The following GPC6 variants were observed in gnomAD, a reference collection of about 807,000 sequenced individuals.
GPC6 encodes the protein glypican-6.
Under a neutral mutation model 55.2 loss-of-function variants are expected in GPC6, and 14 were observed. The ratio of observed to expected loss-of-function variants is 0.25; its 90% CI spans 0.17 to 0.40. The LOEUF is 0.40. Ranked by LOEUF, GPC6 falls within the 10% of genes least tolerant of loss-of-function variation. The probability of loss-of-function intolerance (pLI) is 1.00; values close to 1 mark genes in which losing one functional copy is unlikely to be tolerated. For missense variants in GPC6, 641 were observed against 708.5 expected (o/e 0.90, Z 1.08); for synonymous variants, 278 against 259.6 (o/e 1.07, Z -0.68).
intron 2 of GPC6, among the ~76,000 whole-genome samples, chr13:93,758,547 A>G (rs1884854288): frequency 6.6e-6 from 1 of 152,132 alleles, no homozygotes; most frequent in East Asian, 1.9e-4. Flanking sequence ...TAATCTCTGT[A>G]GATAATTTAT....
intron 2 of GPC6, among the ~76,000 whole-genome samples, chr13:93,737,000 T>C (rs572260855): frequency 5.9e-4 from 90 of 152,324 alleles, no homozygotes; most frequent in Middle Eastern, 3.4e-3. Flanking sequence ...ATGAACGAGA[T>C]TGACCTTCTC....
At chr13:93,782,165 T>G (rs1297941060) in intron 2 of GPC6, among the ~76,000 whole-genome samples, 2 of 152,168 alleles carry the variant, frequency 1.3e-5, no homozygotes, top group East Asian at 3.9e-4. Flanking sequence ...TCCATGTATG[T>G]GTGAGATCAC....
chr13:93,620,759 G>C lies in GPC6; in HGVS notation c.319+75338G>C, dbSNP rs1199285139. Among the ~76,000 whole-genome samples, 3 of 152,144 alleles carry C rather than the reference G, an allele frequency of 2.0e-5. No individual in the cohort carries two copies. In the East Asian group the frequency reaches 5.8e-4, roughly 29 times the overall value. On this transcript the variant is annotated intron_variant, in intron 2 of 8. Coordinates refer to ENST00000377047, the MANE Select transcript of GPC6 (RefSeq NM_005708.5). Reference sequence around the variant, plus strand: ...AGCAGAATTCCCTTTGATGAACACAGGTTTAGTCAGAATGCTCTGTGTGGG... The same window carrying C: ...AGCAGAATTCCCTTTGATGAACACACGTTTAGTCAGAATGCTCTGTGTGGG...
At chr13:93,421,839 CT>C (rs1275764437) in intron 1 of GPC6, among the ~76,000 whole-genome samples, 3 of 152,202 alleles carry the variant, frequency 2.0e-5, no homozygotes, top group Admixed American at 1.3e-4. Flanking sequence ...TGTTCCAGAA[CT>C]GTTATTAAAG....
At position 93,874,943 on chromosome 13, in the gene GPC6, T is replaced by C. The variant is rs543542805; in HGVS notation, c.711+44398T>C. On this transcript the variant is annotated intron_variant, in intron 3 of 8. Coordinates refer to ENST00000377047, the MANE Select transcript of GPC6 (RefSeq NM_005708.5). ...TTAACGTACTTCACTCCCTCTATCC[T>C]GACACACACGTCTAGGAGGGAAGAG... Among the ~76,000 whole-genome samples, 257 of 152,122 alleles carry C rather than the reference T, an allele frequency of 1.7e-3. 2 individuals are homozygous for C. The highest frequency in any genetic ancestry group is 5.6e-3 in the African/African-American group (234 of 41,554).
At chr13:93,954,269 T>A (rs1438604398) in intron 3 of GPC6, among the ~76,000 whole-genome samples, 1 of 152,232 alleles carries the variant, frequency 6.6e-6, no homozygotes, top group Admixed American at 6.5e-5. Flanking sequence ...TGTATATATA[T>A]TATAAAAGTT....
Position 94,238,698 on chromosome 13 carries a change from A to T in GPC6, c.878-47651A>T, listed in dbSNP as rs139551871. Among the ~76,000 whole-genome samples, 296 of 152,274 alleles carry T rather than the reference A, an allele frequency of 1.9e-3. 3 individuals are homozygous for T. Among genetic ancestry groups the T allele is most frequent in the African/African-American group, 6.8e-3 (284 of 41,576 alleles). ...GAATAAGCACCGTGTGAGAAAGTAG[A>T]AGCAAAAGATATAAGCGAGGGTCTC... On this transcript the variant is annotated intron_variant, in intron 4 of 8. Coordinates refer to ENST00000377047, the MANE Select transcript of GPC6 (RefSeq NM_005708.5).
At chr13:94,138,098 G>C (rs192246291) in intron 4 of GPC6, among the ~76,000 whole-genome samples, 146 of 152,216 alleles carry the variant, frequency 9.6e-4, no homozygotes, top group Admixed American at 2.0e-3. Flanking sequence ...ATGAAAATCT[G>C]AAATATGAAA....
chr13:94,393,742 C>T (rs1302307114), intron 7 of GPC6, among the ~76,000 whole-genome samples: 3 of 152,078 alleles, frequency 2.0e-5, no homozygotes, highest in Admixed American at 2.0e-4. Flanking sequence ...GCTAGTGCCT[C>T]ACTTCTCAGA....
chr13:94,220,282 A>G (rs1594070687), intron 4 of GPC6, among the ~76,000 whole-genome samples: 1 of 152,094 alleles, frequency 6.6e-6, no homozygotes, highest in Non-Finnish European at 1.5e-5. Context: ...TCTTCATTCC[A>G]AACTACATGA....
At chr13:94,065,918 C>T (rs4773774) in intron 4 of GPC6, among the ~76,000 whole-genome samples, 2,681 of 152,278 alleles carry the variant, frequency 0.018, 87 homozygotes, top group East Asian at 0.17. Context: ...GAATTACTCA[C>T]TCAAGTAACA....
chr13:93,377,993 CT>C (rs1303687192), intron 1 of GPC6, among the ~76,000 whole-genome samples: 1 of 152,180 alleles, frequency 6.6e-6, no homozygotes, highest in African/African-American at 2.4e-5. Context: ...TGAAATAGCA[CT>C]GTAGATTTAA....
intron 4 of GPC6, among the ~76,000 whole-genome samples, chr13:94,082,823 A>G (rs148799416): frequency 2.9e-4 from 44 of 152,328 alleles, no homozygotes; most frequent in Non-Finnish European, 5.0e-4. Context: ...CTGTAGACCC[A>G]TCCTGTAAAC....
chr13:93,490,513 A>AT (rs1332292236), intron 1 of GPC6, among the ~76,000 whole-genome samples: 3 of 9,432 alleles, frequency 3.2e-4, no homozygotes, highest in Non-Finnish European at 4.1e-4. Context: ...TTTTTTTTTG[A>AT]GTTTTTTTTT....
At position 94,004,438 on chromosome 13, in the gene GPC6, C is replaced by T. The variant is rs1001998366; in HGVS notation, c.712-23291C>T. On this transcript the variant is annotated intron_variant, in intron 3 of 8. Transcript: ENST00000377047. Reference sequence around the variant, plus strand: ...CAACCCCTCCATCCCAGTTTCATGTCTGAAAATTCAAGGGCTGGATTGGCA... The same window carrying T: ...CAACCCCTCCATCCCAGTTTCATGTTTGAAAATTCAAGGGCTGGATTGGCA... Among the ~76,000 whole-genome samples, 18 of 152,076 alleles carry T rather than the reference C, an allele frequency of 1.2e-4. 1 individual carries two copies. The South Asian group carries it at 1.5e-3, about 12-fold the overall frequency.
intron 3 of GPC6, among the ~76,000 whole-genome samples, chr13:93,923,334 G>A (rs780403567): frequency 1.3e-5 from 2 of 152,134 alleles, no homozygotes; most frequent in Non-Finnish European, 2.9e-5. Context: ...GGGGAAAAGG[G>A]CAGCTGTTTC....
intron 2 of GPC6, among the ~76,000 whole-genome samples, chr13:93,793,079 G>A (rs886165796): frequency 2.0e-5 from 3 of 152,108 alleles, no homozygotes; most frequent in East Asian, 1.9e-4. Context: ...AAAATGCAAG[G>A]CATTCTAGTC....
chr13:94,288,396 T>C (rs888004203), intron 5 of GPC6, among the ~76,000 whole-genome samples: 4 of 151,954 alleles, frequency 2.6e-5, no homozygotes, highest in African/African-American at 9.7e-5. Context: ...TTCTACAACA[T>C]CAATACGGTC....
At chr13:93,417,240 GTTATT>G (rs1158468357) in intron 1 of GPC6, among the ~76,000 whole-genome samples, 8 of 151,970 alleles carry the variant, frequency 5.3e-5, no homozygotes, top group African/African-American at 1.4e-4. Context: ...CAGTTTTTTT[GTTATT>G]TTATTTTATT....
Sources: allele counts gnomAD v4.1 joint callset (sites outside exome capture counted in the v4.1 genomes callset), GRCh38; gene constraint gnomAD v4.1.1; transcripts MANE v1.5; gene names NCBI Gene and HGNC (gene_info 2026-07-23, HGNC 2026-07-21).